The following KIFAP3 variants were observed in gnomAD, a reference collection of about 807,000 sequenced individuals.
KIFAP3 encodes kinesin associated protein 3.
Under a neutral mutation model 106.5 loss-of-function variants are expected in KIFAP3, and 68 were observed. The observed-to-expected ratio is 0.64, with a 90% CI of 0.53 to 0.78. The LOEUF is 0.78. Among genes scored for constraint, KIFAP3 ranks in the 30% least tolerant of loss-of-function variants. KIFAP3 has a pLI of 0.00. For synonymous variants in KIFAP3, 320 were observed against 311.5 expected, an observed-to-expected ratio of 1.03 and a Z score of -0.29; for missense variants, 780 against 941.8, an observed-to-expected ratio of 0.83 and a Z score of 2.25.
In KIFAP3 at chr1:169,921,696, A is replaced by T. The variant is rs57164758; in HGVS notation, c.2359T>A (p.Tyr787Asn). ...AYGFRPDEPY[Y>N]YGYGS Reference sequence around the variant, plus strand: ...CTTTATCAAGATCCATAGCCATAGTAGTAAGGTTCATCAGGGCGGAATCCA... The same window carrying T: ...CTTTATCAAGATCCATAGCCATAGTTGTAAGGTTCATCAGGGCGGAATCCA... Residue 787 changes from tyrosine to asparagine, a missense_variant, in exon 20 of 20, where the codon TAC becomes AAC. By Grantham distance (143) the Tyr-to-Asn change is moderately radical. This residue lies in a region of KIFAP3 where 114 missense variants were observed against 122.3 expected (regional missense o/e 0.93). Transcript: ENST00000361580. 3.1e-6 allele frequency: 5 copies of T among 1,613,330 alleles called. No homozygotes were observed. Among genetic ancestry groups the T allele is most frequent in the Non-Finnish European group, 4.2e-6 (5 of 1,179,304 alleles).
chr1:170,080,529 G>A (rs1672004205), intron 1 of KIFAP3, among the ~76,000 whole-genome samples: 1 of 152,066 alleles, frequency 6.6e-6, no homozygotes, highest in South Asian at 2.1e-4. Context: ...AATTCAATGT[G>A]TATTGGCATA....
At chr1:170,076,179 GT>G (rs1367459153), upstream of KIFAP3, among the ~76,000 whole-genome samples, 1 of 152,134 alleles carries the variant, frequency 6.6e-6, no homozygotes, top group East Asian at 1.9e-4. Context: ...AAATTTTGGT[GT>G]TGAAAAAATG....
At chr1:169,922,997 G>A (rs947037390) in intron 19 of KIFAP3, 9 of 523,498 alleles carry the variant, frequency 1.7e-5, no homozygotes, top group African/African-American at 6.2e-5. Flanking sequence ...TTGTGTGCAC[G>A]CGTGCTTGTG....
At chr1:169,930,875 A>G (rs1280884067) in intron 19 of KIFAP3, among the ~76,000 whole-genome samples, 1 of 150,276 alleles carries the variant, frequency 6.7e-6, no homozygotes, top group Non-Finnish European at 1.5e-5. Flanking sequence ...AGCTCAGTCT[A>G]TCATCTTGCT....
At chr1:170,038,098 A>G (rs12119447) in intron 5 of KIFAP3, among the ~76,000 whole-genome samples, 192 bp downstream of exon 5, 9,604 of 152,306 alleles carry the variant, frequency 0.063, 387 homozygotes, top group Non-Finnish European at 0.095. Flanking sequence ...AGTACCATTA[A>G]TGCTTAATTT....
At position 169,992,233 on chromosome 1, in the gene KIFAP3, T is replaced by C; in HGVS notation, c.1206A>G (p.Ile402Met). ...TTATGTGGTAAAGAACACACATTGC[T>C]ATTTGTTTGTAGTTGTCATTGCCTA... Reference protein sequence around the residue: ...ALLGNDNYKQIAMCVLYHISM... With the variant: ...ALLGNDNYKQMAMCVLYHISM... The change falls in exon 11 of 20, where the codon ATA becomes ATG. Residue 402 changes from isoleucine to methionine, a missense_variant. Ile to Met is a conservative substitution (Grantham distance 10). This residue lies in a region of KIFAP3 where 588 missense variants were observed against 678.9 expected (regional missense o/e 0.87). Coordinates refer to ENST00000361580, the MANE Select transcript of KIFAP3 (RefSeq NM_014970.4). 6.3e-7 allele frequency: 1 copy of C among 1,577,102 alleles called. No individual in the cohort carries two copies. The highest frequency in any genetic ancestry group is 8.6e-7 in the Non-Finnish European group (1 of 1,163,078).
intron 1 of KIFAP3, among the ~76,000 whole-genome samples, chr1:170,065,972 A>G (rs1044442630): frequency 3.1e-4 from 47 of 152,158 alleles, no homozygotes; most frequent in Admixed American, 7.2e-4. Flanking sequence ...GTTTGGCCCA[A>G]CTATACTTTG....
chr1:170,079,755 G>C (rs1488392453), intron 1 of KIFAP3, among the ~76,000 whole-genome samples: 1 of 150,642 alleles, frequency 6.6e-6, no homozygotes, highest in Non-Finnish European at 1.5e-5. Context: ...GGAGTTCTTT[G>C]TGGTTCCATA....
At chr1:170,057,163 G>A (rs1670896023) in intron 1 of KIFAP3, among the ~76,000 whole-genome samples, 1 of 152,104 alleles carries the variant, frequency 6.6e-6, no homozygotes, top group Non-Finnish European at 1.5e-5. Context: ...ATACAGTTAA[G>A]GGAAGAAAAG....
intron 3 of KIFAP3, 67 bp downstream of exon 3, chr1:170,046,645 T>C: frequency 1.6e-6 from 2 of 1,263,982 alleles, no homozygotes; most frequent in Non-Finnish European, 2.1e-6. Context: ...TTTTTTATAG[T>C]TGCTTGATGA....
chr1:170,054,376 T>G (rs1418311026), intron 2 of KIFAP3, among the ~76,000 whole-genome samples: 1 of 152,134 alleles, frequency 6.6e-6, no homozygotes, highest in African/African-American at 2.4e-5. Flanking sequence ...TGGAATTGGT[T>G]TAACTATTGT....
At chr1:170,010,531 T>G (rs925589429) in intron 10 of KIFAP3, among the ~76,000 whole-genome samples, 1 of 152,048 alleles carries the variant, frequency 6.6e-6, no homozygotes, top group Non-Finnish European at 1.5e-5. Context: ...TTGCCTTTAA[T>G]TATTCAAATC....
chr1:170,074,771 AGAGTTT>A, upstream of KIFAP3: 1 of 1,235,450 alleles, frequency 8.1e-7, no homozygotes, highest in Non-Finnish European at 1.0e-6. Context: ...CGGTGGCCTC[AGAGTTT>A]GACGCACCGG....
chr1:170,004,495 G>A (rs909523550), intron 10 of KIFAP3, among the ~76,000 whole-genome samples: 13 of 151,540 alleles, frequency 8.6e-5, no homozygotes, highest in Non-Finnish European at 1.2e-4. Context: ...CATGGTACTG[G>A]TACCAAAACA....
chr1:169,999,639 A>T (rs1160027070), intron 10 of KIFAP3, among the ~76,000 whole-genome samples: 3 of 152,214 alleles, frequency 2.0e-5, no homozygotes, highest in African/African-American at 7.2e-5. Context: ...TGATGAACTC[A>T]CTGGCTATTA....
At chr1:170,048,156 C>T (rs1352677777) in intron 2 of KIFAP3, among the ~76,000 whole-genome samples, 1 of 152,112 alleles carries the variant, frequency 6.6e-6, no homozygotes, top group Non-Finnish European at 1.5e-5. Context: ...ATATTCAACC[C>T]CAAATCTGGT....
chr1:170,059,810 T>A (rs960506414), intron 1 of KIFAP3, among the ~76,000 whole-genome samples: 10 of 152,190 alleles, frequency 6.6e-5, no homozygotes, highest in Admixed American at 4.6e-4. Context: ...TCAAAAAGCT[T>A]ATCCACCATG....
chr1:169,986,798 G>T (rs1558221693), intron 11 of KIFAP3, among the ~76,000 whole-genome samples: 1 of 151,726 alleles, frequency 6.6e-6, no homozygotes, highest in South Asian at 2.1e-4. Flanking sequence ...CTAACAAAAA[G>T]TATTTACTTC....
At chr1:170,070,252 T>C (rs550006923) in intron 1 of KIFAP3, among the ~76,000 whole-genome samples, 2 of 152,246 alleles carry the variant, frequency 1.3e-5, no homozygotes, top group South Asian at 2.1e-4. Context: ...AGATTCATTA[T>C]ATTCCCAAAG....
Sources: allele counts gnomAD v4.1 joint callset (sites outside exome capture counted in the v4.1 genomes callset), GRCh38; gene constraint gnomAD v4.1.1; regional missense constraint gnomAD v4.1.1; transcripts MANE v1.5; gene names NCBI Gene and HGNC (gene_info 2026-07-23, HGNC 2026-07-21).